CAMK2B: variants seen among roughly 807,000 people sequenced by gnomAD.
CAMK2B encodes the protein calcium/calmodulin dependent protein kinase II beta, also known as calcium/calmodulin-dependent protein kinase type II subunit beta.
In CAMK2B, 27 loss-of-function variants were observed where a neutral mutation model predicts 93.7. The observed-to-expected ratio is 0.29, with a 90% CI of 0.21 to 0.40. The LOEUF (loss-of-function observed/expected upper bound fraction) is 0.40, where lower values mean the gene tolerates loss of function less well. Ranked by LOEUF, CAMK2B falls within the 10% of genes least tolerant of loss-of-function variation. The pLI, the probability that CAMK2B is intolerant of heterozygous loss-of-function variation, is 1.00. For synonymous variants in CAMK2B, 374 were observed against 358.8 expected (o/e 1.04, Z -0.48); for missense variants, 568 against 895.8 (o/e 0.63, Z 4.67).
intron 1 of CAMK2B, among the ~76,000 whole-genome samples, chr7:44,290,378 G>C (rs914281346): frequency 2.0e-5 from 3 of 152,266 alleles, no homozygotes; most frequent in South Asian, 2.1e-4. Flanking sequence ...CTCCAGAGCA[G>C]GTCCTTCTGG....
At chr7:44,303,344 A>C (rs1264623781) in intron 1 of CAMK2B, among the ~76,000 whole-genome samples, 2 of 152,196 alleles carry the variant, frequency 1.3e-5, no homozygotes, top group African/African-American at 4.8e-5. Flanking sequence ...TAATTTACAC[A>C]TTCAATGCAC....
chr7:44,234,544 G>A, intron 14 of CAMK2B, 83 bp from the exon 15 acceptor site: 5 of 1,591,578 alleles, frequency 3.1e-6, no homozygotes, highest in Admixed American at 1.7e-5. Flanking sequence ...CAGGGCATGG[G>A]GGGAGGGGGA....
Position 44,241,562 on chromosome 7 carries a change from T to G in CAMK2B, c.903+138A>C, listed in dbSNP as rs1478590575. On this transcript the variant is annotated intron_variant, in intron 11 of 23. Transcript: ENST00000395749. ...GCCTGAGTTCACCTGATGCATCCAG[T>G]CTGGGACTTGCTAACAGTCAGTCTT... The G allele has an allele frequency of 7.1e-6, 5 of 699,382 alleles. 1 individual carries two copies. The Admixed American group carries it at 1.1e-4, about 16-fold the overall frequency. 43.3% of individuals were successfully genotyped at this position (699,382 alleles called of 1,614,324 possible).
intron 8 of CAMK2B, among the ~76,000 whole-genome samples, chr7:44,242,910 G>C (rs1284723569): frequency 1.3e-5 from 2 of 152,202 alleles, no homozygotes; most frequent in Non-Finnish European, 2.9e-5. Context: ...ACCTCTGTGG[G>C]AGGAGACCCC....
At chr7:44,303,768 A>G (rs1790730409) in intron 1 of CAMK2B, among the ~76,000 whole-genome samples, 2 of 152,238 alleles carry the variant, frequency 1.3e-5, no homozygotes. Context: ...TTAAAAGTAA[A>G]AAGTTCTGTT....
chr7:44,240,401 A>T (rs2128958988), intron 12 of CAMK2B, among the ~76,000 whole-genome samples: 1 of 152,300 alleles, frequency 6.6e-6, no homozygotes, highest in Non-Finnish European at 1.5e-5. Context: ...TGCCCGACAA[A>T]CGCCTGGACA....
Position 44,275,698 on chromosome 7 carries a change from T to TA in CAMK2B, c.160+8432dup, listed in dbSNP as rs545613486. 3.1e-3 allele frequency among the ~76,000 whole-genome samples: 477 copies of TA among 152,334 alleles called. 1 individual carries two copies. The highest frequency in any genetic ancestry group is 0.01 in the African/African-American group (432 of 41,568). On this transcript the variant is annotated intron_variant, in intron 2 of 23. Coordinates refer to ENST00000395749, the MANE Select transcript of CAMK2B (RefSeq NM_001220.5). ...ACATCTTTTGATTGTAAATCATACT[T>TA]AACTGCTAAATCCAGCAGCCTAGCC...
chr7:44,219,365 GT>G lies in CAMK2B; in HGVS notation c.*159del, dbSNP rs1185413134. The G allele has an allele frequency of 1.2e-4, 5 of 42,114 alleles. No individual in the cohort carries two copies. Among genetic ancestry groups the G allele is most frequent in the East Asian group, 8.8e-4 (1 of 1,132 alleles). 2.6% of individuals were successfully genotyped at this position (42,114 alleles called of 1,614,324 possible). On this transcript the variant is annotated 3_prime_UTR_variant, in exon 24 of 24. Coordinates refer to ENST00000395749, the MANE Select transcript of CAMK2B (RefSeq NM_001220.5). The stretch of plus-strand genomic sequence containing the variant: ...TCTTGTTTTTTTTTTTTTTTTTTTT[GT>G]TTTTTTTTAACAAATCACATCTGGT...
At position 44,241,926 on chromosome 7, in the gene CAMK2B, C is replaced by T. The variant is rs1460382645; in HGVS notation, c.820-143G>A. The T allele has an allele frequency of 4.3e-5, 30 of 695,800 alleles. 1 individual carries two copies. The highest frequency in any genetic ancestry group is 4.0e-4 in the South Asian group (23 of 57,538). 43.1% of individuals were successfully genotyped at this position (695,800 alleles called of 1,614,324 possible). On this transcript the variant is annotated intron_variant, in intron 10 of 23. Transcript: ENST00000395749. The stretch of plus-strand genomic sequence containing the variant: ...GCGGCAAGGGTTGTCTGTCCCCACC[C>T]GCCTGGGACTTCAAGACTCGTCTCT...
chr7:44,302,800 C>T (rs1790436650), intron 1 of CAMK2B, among the ~76,000 whole-genome samples: 1 of 152,122 alleles, frequency 6.6e-6, no homozygotes, highest in South Asian at 2.1e-4. Context: ...ACAGTTTACA[C>T]CATACTTCAT....
chr7:44,224,433 G>A lies in CAMK2B; in HGVS notation c.1597+2083C>T, dbSNP rs1041286414. The stretch of plus-strand genomic sequence containing the variant: ...TGGCTGAGGACAAGCTGTCCTGGCA[G>A]TTCCAGAGACAAAGGGGAGGTGGTG... On this transcript the variant is annotated intron_variant, in intron 20 of 23. Coordinates refer to ENST00000395749, the MANE Select transcript of CAMK2B (RefSeq NM_001220.5). This position sits in a 1 kb window ranked among gnomAD's most constrained non-coding sequence, Gnocchi z 4.4. Among the ~76,000 whole-genome samples the A allele has an allele frequency of 6.6e-6, 1 of 152,260 alleles. No individual in the cohort carries two copies. Among genetic ancestry groups the A allele is most frequent in the Non-Finnish European group, 1.5e-5 (1 of 68,052 alleles).
intron 2 of CAMK2B, among the ~76,000 whole-genome samples, chr7:44,266,237 C>A (rs764491439): frequency 6.6e-6 from 1 of 152,132 alleles, no homozygotes; most frequent in Admixed American, 6.5e-5. Flanking sequence ...AAGGAGGGGG[C>A]ACAAGGAAGA....
chr7:44,279,265 G>A (rs1467203654), intron 2 of CAMK2B, among the ~76,000 whole-genome samples: 2 of 152,228 alleles, frequency 1.3e-5, no homozygotes, highest in Non-Finnish European at 2.9e-5. Context: ...AACTGTTGAA[G>A]CTGGGTTCGT....
chr7:44,229,648 C>CA, intron 17 of CAMK2B, 147 bp from the exon 18 acceptor site: 1 of 505,442 alleles, frequency 2.0e-6, no homozygotes, highest in Non-Finnish European at 3.5e-6. Flanking sequence ...GGGTGGCCAC[C>CA]TGTGGGGGTC....
At chr7:44,303,124 T>C (rs900358121) in intron 1 of CAMK2B, among the ~76,000 whole-genome samples, 2 of 152,154 alleles carry the variant, frequency 1.3e-5, no homozygotes, top group South Asian at 2.1e-4. Flanking sequence ...ATGATTGGAA[T>C]TGGAATTTTA....
At chr7:44,278,036 A>C (rs916950268) in intron 2 of CAMK2B, among the ~76,000 whole-genome samples, 4 of 152,196 alleles carry the variant, frequency 2.6e-5, no homozygotes, top group African/African-American at 7.2e-5. Flanking sequence ...GGAGGCCATC[A>C]GATGAACCAG....
At chr7:44,222,070 A>G (rs905313068) in intron 20 of CAMK2B, among the ~76,000 whole-genome samples, 19 of 152,320 alleles carry the variant, frequency 1.2e-4, no homozygotes, top group East Asian at 9.6e-4. Context: ...AGGCACGCAC[A>G]TACATGCACA....
chr7:44,226,675 A>G (rs570988815), intron 19 of CAMK2B, 31 bp from the exon 20 acceptor site: 89 of 1,501,696 alleles, frequency 5.9e-5, no homozygotes, highest in Non-Finnish European at 7.6e-5. Flanking sequence ...CGTGAACACA[A>G]GGCAGGCACG....
intron 19 of CAMK2B, among the ~76,000 whole-genome samples, chr7:44,227,769 G>GGGTGTGGGGGAC (rs1491318637): frequency 3.6e-5 from 1 of 27,820 alleles, no homozygotes; most frequent in African/African-American, 1.6e-4. Context: ...GGGACAGAGG[G>GGGTGTGGGGGAC]AGAGTCTGGG....
Sources: gnomAD v4.1 joint callset for allele counts (sites outside exome capture counted in the v4.1 genomes callset) on GRCh38, gnomAD v4.1.1 for gene constraint, Gnocchi (gnomAD v3.1) non-coding constraint, MANE v1.5 for transcripts, NCBI Gene and HGNC (gene_info 2026-07-23, HGNC 2026-07-21) for gene names.